MIGA1: variants seen among roughly 807,000 people sequenced by gnomAD.
The protein encoded by MIGA1 is family with sequence similarity 73, member A.
A neutral mutation model predicts 82.0 loss-of-function variants in MIGA1; 58 were observed. The ratio of observed to expected loss-of-function variants is 0.71; its 90% CI spans 0.57 to 0.88. The LOEUF (loss-of-function observed/expected upper bound fraction) is 0.88. MIGA1 is among the 40% of genes least tolerant of loss of function. The probability of loss-of-function intolerance (pLI) is 0.00; values close to 1 mark genes in which losing one functional copy is unlikely to be tolerated. For synonymous variants in MIGA1, 249 were observed against 253.6 expected (o/e 0.98, Z 0.17); for missense variants, 751 against 749.1 (o/e 1.00, Z -0.03).
chr1:77,807,919 A>G (rs1683166393), intron 5 of MIGA1, among the ~76,000 whole-genome samples: 1 of 152,006 alleles, frequency 6.6e-6, no homozygotes, highest in African/African-American at 2.4e-5. Flanking sequence ...CCCGGGTTCA[A>G]GTGATTCTCA....
intron 7 of MIGA1, among the ~76,000 whole-genome samples, chr1:77,838,007 C>T (rs550440067): frequency 1.3e-5 from 2 of 152,296 alleles, no homozygotes; most frequent in African/African-American, 4.8e-5. Flanking sequence ...ATTGGCAACA[C>T]TGAAATATAG....
intron 7 of MIGA1, among the ~76,000 whole-genome samples, chr1:77,816,483 T>G (rs1355688860): frequency 6.6e-6 from 1 of 152,208 alleles, no homozygotes; most frequent in Non-Finnish European, 1.5e-5. Flanking sequence ...GATATTTATA[T>G]CTATGCATTT....
chr1:77,846,673 A>C (rs7544892), intron 8 of MIGA1, among the ~76,000 whole-genome samples: 134,129 of 151,488 alleles, frequency 0.89, 59,533 homozygotes, highest in Middle Eastern at 0.92. Context: ...CTCGGCCGGG[A>C]CTGCTGGCTC....
intron 7 of MIGA1, among the ~76,000 whole-genome samples, chr1:77,830,961 C>T (rs56395740): frequency 4.3e-4 from 65 of 152,286 alleles, no homozygotes; most frequent in Non-Finnish European, 7.6e-4. Flanking sequence ...AACACTTACA[C>T]TTATGGAGCA....
In MIGA1 at chr1:77,783,077, C is replaced by T. The variant is rs529858757; in HGVS notation, c.82-161C>T. On this transcript the variant is annotated intron_variant, in intron 1 of 15. Coordinates refer to ENST00000370791, the MANE Select transcript of MIGA1 (RefSeq NM_198549.4). ...AGGATAGCTTATTGTTTCTTTTACG[C>T]GTTTGGTGATTAATAAATATAATTT... 6.3e-4 allele frequency among the ~76,000 whole-genome samples: 95 copies of T among 150,676 alleles called. 1 individual carries two copies. Among genetic ancestry groups the T allele is most frequent in the African/African-American group, 2.1e-3 (87 of 41,028 alleles).
rs1475996212 is a variant in MIGA1 at position 77,784,495 on chromosome 1, G to A, written c.195+1144G>A. Among the ~76,000 whole-genome samples, 6 of 152,070 alleles carry A rather than the reference G, an allele frequency of 3.9e-5. No homozygotes were observed. The East Asian group carries it at 9.6e-4, about 24-fold the overall frequency. On this transcript the variant is annotated intron_variant, in intron 2 of 15. Transcript: ENST00000370791. ...CTCACTTTGACCTCCTAAAGTACTG[G>A]GATTATAGGTGTCAGCTGGTTCACC...
intron 2 of MIGA1, among the ~76,000 whole-genome samples, chr1:77,795,148 A>G (rs200828319): frequency 6.6e-6 from 1 of 151,504 alleles, no homozygotes; most frequent in East Asian, 1.9e-4. Context: ...ATTTTTAGTA[A>G]AGATGGGGTT....
Position 77,828,485 on chromosome 1 carries a change from G to A in MIGA1, c.895+13254G>A, listed in dbSNP as rs150442768. On this transcript the variant is annotated intron_variant, in intron 7 of 15. Transcript: ENST00000370791. ...AAGATGGGTATCATTAAGGTTTTTT[G>A]CAATAAATTTAAGTAAATGGTATAA... Among the ~76,000 whole-genome samples the A allele has an allele frequency of 2.3e-4, 35 of 152,202 alleles. 1 individual carries two copies. Among genetic ancestry groups the A allele is most frequent in the African/African-American group, 7.9e-4 (33 of 41,544 alleles).
intron 8 of MIGA1, among the ~76,000 whole-genome samples, chr1:77,844,143 G>T (rs34955893): frequency 0.35 from 35,992 of 102,916 alleles, 6,333 homozygotes; most frequent in East Asian, 0.47. Context: ...TATATAGATA[G>T]ATAGATAGAT....
Position 77,779,922 on chromosome 1 carries a change from AC to A in MIGA1, c.81+191del, listed in dbSNP as rs149401409. ...GGTCTACGGCCGTGCCACCCTGAAC[AC>A]CCCCGACCTCGTCTCATCTCAGAAG... is the stretch of plus-strand genomic sequence containing the variant. On this transcript the variant is annotated intron_variant, in intron 1 of 15. Transcript: ENST00000370791. The A allele has an allele frequency of 1.1e-4, 151 of 1,377,970 alleles. No individual in the cohort carries two copies. The African/African-American group carries it at 2.2e-3, about 20-fold the overall frequency. 85.4% of individuals were successfully genotyped at this position (1,377,970 alleles called of 1,614,324 possible).
intron 7 of MIGA1, among the ~76,000 whole-genome samples, chr1:77,824,025 A>G (rs1280986931): frequency 6.6e-6 from 1 of 152,176 alleles, no homozygotes; most frequent in Non-Finnish European, 1.5e-5. Context: ...TCTATTTTCT[A>G]TTCCGTAACA....
intron 7 of MIGA1, 121 bp downstream of exon 7, chr1:77,815,352 C>T: frequency 4.1e-6 from 3 of 736,352 alleles, no homozygotes; most frequent in East Asian, 3.5e-5. Flanking sequence ...AATAAACTAG[C>T]CAAGAGAAAA....
Position 77,875,221 on chromosome 1 carries a change from A to G in MIGA1, c.*157A>G, listed in dbSNP as rs1475753178. 1.3e-5 allele frequency: 8 copies of G among 620,678 alleles called. No homozygotes were observed. In the Admixed American group the frequency reaches 2.2e-4, roughly 17 times the overall value. The allele number at this position is 620,678 out of a possible 1,614,324, so 38.4% of individuals were successfully genotyped here. A position where few individuals can be genotyped will look rare whatever the true frequency, so the allele number is the denominator to read the frequency against. On this transcript the variant is annotated 3_prime_UTR_variant, in exon 16 of 16. Transcript: ENST00000370791. ...AAATGAGCAACTGTACTGTATTTAT[A>G]CAGAAGTTCTGTCATTGAATTCCTG...
Position 77,813,821 on chromosome 1 carries a change from C to T in MIGA1, c.725C>T (p.Ser242Phe). The T allele has an allele frequency of 6.2e-7, 1 of 1,614,094 alleles. No individual in the cohort carries two copies. The highest frequency in any genetic ancestry group is 8.5e-7 in the Non-Finnish European group (1 of 1,179,998). ...CAGGCTGAAGATGAAGCCTGTGGTT[C>T]CATTAAACTGGGTGCAGGAGATGCC... The change falls in exon 6 of 16, where the codon TCC (serine) becomes TTC (phenylalanine). Residue 242 changes from serine to phenylalanine, a missense_variant. This residue lies in a region of MIGA1 where 482 missense variants were observed against 439.4 expected (regional missense o/e 1.10). Transcript: ENST00000370791.
chr1:77,799,181 G>T (rs531295174), intron 2 of MIGA1, among the ~76,000 whole-genome samples: 1 of 152,044 alleles, frequency 6.6e-6, no homozygotes, highest in South Asian at 2.1e-4. Context: ...TGATGTCTTT[G>T]TCTGGCTTTG....
intron 7 of MIGA1, among the ~76,000 whole-genome samples, chr1:77,826,113 TTATAGA>T (rs1247874510): frequency 5.3e-5 from 8 of 152,206 alleles, no homozygotes; most frequent in African/African-American, 1.7e-4. Flanking sequence ...AATTTCATAG[TTATAGA>T]TAGGAGGATG....
chr1:77,791,424 A>G (rs3178716), intron 2 of MIGA1, among the ~76,000 whole-genome samples: 1 of 152,090 alleles, frequency 6.6e-6, no homozygotes, highest in African/African-American at 2.4e-5. Context: ...TGGATGTACC[A>G]CAATTTGTTA....
chr1:77,818,609 G>C (rs1044619633), intron 7 of MIGA1, among the ~76,000 whole-genome samples: 2 of 152,110 alleles, frequency 1.3e-5, no homozygotes, highest in African/African-American at 4.8e-5. Context: ...GAAATTAGAT[G>C]ATGGCTAAGA....
intron 7 of MIGA1, among the ~76,000 whole-genome samples, chr1:77,820,857 G>C (rs1208703047): frequency 6.6e-6 from 1 of 152,200 alleles, no homozygotes; most frequent in African/African-American, 2.4e-5. Flanking sequence ...CATTAGGCCA[G>C]GCATGGTGGC....
Sources: gnomAD v4.1 joint callset for allele counts (sites outside exome capture counted in the v4.1 genomes callset) on GRCh38, gnomAD v4.1.1 for gene constraint, gnomAD v4.1.1 regional missense constraint, MANE v1.5 for transcripts, NCBI Gene and HGNC (gene_info 2026-07-23, HGNC 2026-07-21) for gene names.